Variants in EGR4 observed in about 807,000 individuals in gnomAD.
EGR4 encodes early growth response 4, also known as early growth response protein 4.
A neutral mutation model predicts 25.4 loss-of-function variants in EGR4; 22 were observed. That is an observed-to-expected ratio of 0.87 (90% confidence interval 0.62 to 1.24). The LOEUF (loss-of-function observed/expected upper bound fraction) is 1.24, where lower values mean the gene tolerates loss of function less well. Among genes scored for constraint, EGR4 ranks in the 50% most tolerant of loss-of-function variants. The pLI, the probability that EGR4 is intolerant of heterozygous loss-of-function variation, is 0.00. For synonymous variants in EGR4, 375 were observed against 320.1 expected (o/e 1.17, Z -1.83); for missense variants, 742 against 702.9 (o/e 1.06, Z -0.63).
chr2:73,292,059 G>A lies in EGR4; in HGVS notation c.859C>T (p.Leu287=), dbSNP rs1340582696. 2 of 1,610,612 alleles carry A rather than the reference G, an allele frequency of 1.2e-6. No homozygotes were observed. The highest frequency in any genetic ancestry group is 1.7e-6 in the Non-Finnish European group (2 of 1,178,522). Residue 287 remains leucine (L), a synonymous_variant, in exon 2 of 2, where the codon CTG becomes TTG. Transcript: ENST00000436467. ...GEGAEGLPGL[L]TPPSGEGGSS... The stretch of plus-strand genomic sequence containing the variant: ...CCTCCCTCCCCACTAGGAGGGGTCA[G>A]GAGCCCAGGGAGGCCCTCAGCCCCC...
At chr2:73,292,926 C>T (rs1014537788) in intron 1 of EGR4, 145 bp from the exon 2 acceptor site, 2 of 1,078,854 alleles carry the variant, frequency 1.9e-6, no homozygotes, top group African/African-American at 1.7e-5. Context: ...GCATACGTCC[C>T]AAGGAGCACA....
rs757920610 is a variant in EGR4, at chr2:73,292,395, G to A, written c.523C>T (p.Pro175Ser). The stretch of plus-strand genomic sequence containing the variant: ...TTGACGTCGGGCGGGGAGAGCTGAG[G>A]CTCATACAGGCACTGCGAGGGGGCA... Reference protein sequence around the residue: ...AGAPSQCLYEPQLSPPDVKPG... With the variant: ...AGAPSQCLYESQLSPPDVKPG... Residue 175 changes from proline to serine, a missense_variant, in exon 2 of 2, where the codon CCT becomes TCT. Physicochemically the swap from Pro to Ser is moderately conservative, Grantham distance 74. Coordinates refer to ENST00000436467, the MANE Select transcript of EGR4 (RefSeq NM_001965.4). 18 of 1,518,732 alleles carry A rather than the reference G, an allele frequency of 1.2e-5. No homozygotes were observed. The highest frequency in any genetic ancestry group is 1.6e-5 in the Non-Finnish European group (18 of 1,136,266). 94.1% of individuals were successfully genotyped at this position (1,518,732 alleles called of 1,614,324 possible). A position where few individuals can be genotyped will look rare whatever the true frequency, so the allele number is the denominator to read the frequency against.
chr2:73,293,255 A>G lies in EGR4; in HGVS notation c.63T>C (p.Cys21=), dbSNP rs140526933. ...GCAATTCAGCGCTGGGTTCGGCGCA[A>G]CAGCCTTCAGTGGACTTGACGAGGA... The part of the protein sequence containing the change: ...DALLVKSTEG[C]CAEPSAELPR... Residue 21 remains cysteine, a synonymous_variant, in exon 1 of 2, where the codon TGT becomes TGC. Transcript: ENST00000436467. The G allele has an allele frequency of 1.4e-4, 219 of 1,581,338 alleles. No individual in the cohort carries two copies. In the African/African-American group the frequency reaches 2.5e-3, roughly 18 times the overall value.
chr2:73,292,533 G>A lies in EGR4; in HGVS notation c.385C>T (p.Pro129Ser), dbSNP rs1042736577. 2 of 1,516,776 alleles carry A rather than the reference G, an allele frequency of 1.3e-6. No homozygotes were observed. The highest frequency in any genetic ancestry group is 2.3e-5 in the East Asian group (1 of 43,436). 94.0% of individuals were successfully genotyped at this position (1,516,776 alleles called of 1,614,324 possible). ...AAGGCATCGGACCCCGCAGGAAAAG[G>A]GGCATCCAGCGGGGATCTGGACGCT... ...AAASRSPLDA[P>S]FPAGSDALLP... Residue 129 changes from proline to serine, a missense_variant, in exon 2 of 2, where the codon CCT becomes TCT. Transcript: ENST00000436467.
rs889574199 is a variant in EGR4, at chr2:73,292,215, C to T, written c.703G>A (p.Val235Ile). ...AAGTCCTCAATCTTGGTCCCTATTACGGGAAAACGAGCCTCCGGGGCGGCC... is the reference window on the plus strand; with the variant it reads ...AAGTCCTCAATCTTGGTCCCTATTATGGGAAAACGAGCCTCCGGGGCGGCC... ...YQAAPEARFP[V>I]IGTKIEDLLS... is the part of the protein sequence containing the mutation. The change falls in exon 2 of 2, where the codon GTA becomes ATA. Residue 235 changes from valine to isoleucine, a missense_variant. Physicochemically the swap from Val to Ile is conservative, Grantham distance 29. Coordinates refer to ENST00000436467, the MANE Select transcript of EGR4 (RefSeq NM_001965.4). 6.3e-7 allele frequency: 1 copy of T among 1,598,902 alleles called. No homozygotes were observed. The highest frequency in any genetic ancestry group is 1.1e-5 in the South Asian group (1 of 88,878).
In EGR4 at chr2:73,292,794, C is replaced by A. The variant is rs756892568; in HGVS notation, c.137-13G>T. The stretch of plus-strand genomic sequence containing the variant: ...AAGAAGTCGCCTGCTGAGGAGGGAG[C>A]AGGAATCAGCTCTGGGCACATCAAA... On this transcript the variant is annotated splice_polypyrimidine_tract_variant and intron_variant, in intron 1 of 1. Coordinates refer to ENST00000436467, the MANE Select transcript of EGR4 (RefSeq NM_001965.4). 2 of 1,440,588 alleles carry A rather than the reference C, an allele frequency of 1.4e-6. No homozygotes were observed. The highest frequency in any genetic ancestry group is 2.5e-5 in the East Asian group (1 of 39,258). The allele number at this position is 1,440,588 out of a possible 1,614,324, so 89.2% of individuals were successfully genotyped here.
chr2:73,291,259 G>A lies in EGR4; in HGVS notation c.*198C>T, dbSNP rs938954396. 5 of 735,880 alleles carry A rather than the reference G, an allele frequency of 6.8e-6. No individual in the cohort carries two copies. The highest frequency in any genetic ancestry group is 2.1e-6 in the Non-Finnish European group (1 of 469,772). The allele number at this position is 735,880 out of a possible 1,614,324, so 45.6% of individuals were successfully genotyped here. A position where few individuals can be genotyped will look rare whatever the true frequency, so the allele number is the denominator to read the frequency against. On this transcript the variant is annotated 3_prime_UTR_variant, in exon 2 of 2. Coordinates refer to ENST00000436467, the MANE Select transcript of EGR4 (RefSeq NM_001965.4). ...AAGCGCGGCTGACAAGGGTGACAGC[G>A]CCTGGACCGCGGGAACTGTCCGCGG...
Position 73,292,121 on chromosome 2 carries a change from T to C in EGR4, c.797A>G (p.Tyr266Cys). 6.2e-7 allele frequency: 1 copy of C among 1,600,662 alleles called. No homozygotes were observed. Among genetic ancestry groups the C allele is most frequent in the Non-Finnish European group, 8.5e-7 (1 of 1,173,670 alleles). ...ACCCGGGGCCAGCGGGAAAGCGTCA[T>C]AGGCCCCGCTGGGATAGAGTCTGTT... ...PANRLYPSGA[Y>C]DAFPLAPGDL... Residue 266 changes from tyrosine (Y) to cysteine (C), a missense_variant, in exon 2 of 2, where the codon TAT becomes TGT. Tyr to Cys is a radical substitution (Grantham distance 194). Coordinates refer to ENST00000436467, the MANE Select transcript of EGR4 (RefSeq NM_001965.4).
At position 73,291,857 on chromosome 2, in the gene EGR4, G is replaced by A; in HGVS notation, c.1061C>T (p.Ala354Val). The A allele has an allele frequency of 1.3e-6, 2 of 1,581,418 alleles. No individual in the cohort carries two copies. Among genetic ancestry groups the A allele is most frequent in the Non-Finnish European group, 1.7e-6 (2 of 1,168,918 alleles). The change falls in exon 2 of 2, where the codon GCC (alanine) becomes GTC (valine). Residue 354 changes from alanine to valine, a missense_variant. Transcript: ENST00000436467. ...PPPPPTPFPQ[A>V]KARRKGRRGG... ...GCGGCGCCCCTTGCGTCGCGCCTTG[G>A]CCTGGGGGAAAGGGGTGGGCGGCGG...
rs148409394 is a variant in EGR4 at position 73,291,500 on chromosome 2, C to A, written c.1418G>T (p.Gly473Val). ...QKARAEERLKGLGFYSLGLSF... is the reference protein window; with the variant it reads ...QKARAEERLKVLGFYSLGLSF... ...GAGGCCCAGCGAGTAAAAGCCGAGGCCCTTGAGCCGCTCCTCGGCGCGCGC... is the reference window on the plus strand; with the variant it reads ...GAGGCCCAGCGAGTAAAAGCCGAGGACCTTGAGCCGCTCCTCGGCGCGCGC... Residue 473 changes from glycine to valine, a missense_variant, in exon 2 of 2, where the codon GGC becomes GTC. Transcript: ENST00000436467. The A allele has an allele frequency of 1.2e-6, 2 of 1,612,224 alleles. No individual in the cohort carries two copies. The highest frequency in any genetic ancestry group is 1.7e-4 in the Middle Eastern group (1 of 5,954).
rs1689133497 is a variant in EGR4 at position 73,292,589 on chromosome 2, C to T, written c.329G>A (p.Gly110Asp). The T allele has an allele frequency of 6.6e-7, 1 of 1,514,432 alleles. No individual in the cohort carries two copies. Among genetic ancestry groups the T allele is most frequent in the Non-Finnish European group, 8.8e-7 (1 of 1,131,500 alleles). 93.8% of individuals were successfully genotyped at this position (1,514,432 alleles called of 1,614,324 possible). The change falls in exon 2 of 2, where the codon GGC becomes GAC. Residue 110 changes from glycine to aspartate, a missense_variant. Gly to Asp is a moderately conservative substitution (Grantham distance 94). Coordinates refer to ENST00000436467, the MANE Select transcript of EGR4 (RefSeq NM_001965.4). ...CTCTGGACCGGGGAAGGGTGCCAGG[C>T]CTAAGATGCCCGACATGAGGTTGAA... Reference protein sequence around the residue: ...ALFNLMSGILGLAPFPGPEAA... With the variant: ...ALFNLMSGILDLAPFPGPEAA...
At position 73,291,458 on chromosome 2, in the gene EGR4, C is replaced by G. The variant is rs1689096656; in HGVS notation, c.1460G>C (p.Ter487SerextTer80). The change falls in exon 2 of 2, where the codon TGA becomes TCA. Residue 487 changes from the stop codon to serine (S), a stop_lost. Coordinates refer to ENST00000436467, the MANE Select transcript of EGR4 (RefSeq NM_001965.4). ...YSLGLSFASL[*>S] ...CCAACCCATAAACCCATCTCTTGCT[C>G]AGAGAGAAGCGAAGGAGAGGCCCAG... The G allele has an allele frequency of 6.3e-7, 1 of 1,596,368 alleles. No homozygotes were observed. Among genetic ancestry groups the G allele is most frequent in the Non-Finnish European group, 8.5e-7 (1 of 1,170,630 alleles).
Position 73,292,523 on chromosome 2 carries a change from G to T in EGR4, c.395C>A (p.Ala132Glu). 6.6e-7 allele frequency: 1 copy of T among 1,518,112 alleles called. No homozygotes were observed. Among genetic ancestry groups the T allele is most frequent in the South Asian group, 1.3e-5 (1 of 74,666 alleles). 94.0% of individuals were successfully genotyped at this position (1,518,112 alleles called of 1,614,324 possible). A position where few individuals can be genotyped will look rare whatever the true frequency, so the allele number is the denominator to read the frequency against. Reference sequence around the variant, plus strand: ...ACCCGGCAGCAAGGCATCGGACCCCGCAGGAAAAGGGGCATCCAGCGGGGA... The same window carrying T: ...ACCCGGCAGCAAGGCATCGGACCCCTCAGGAAAAGGGGCATCCAGCGGGGA... ...SRSPLDAPFP[A>E]GSDALLPGPP... Residue 132 changes from alanine to glutamate, a missense_variant, in exon 2 of 2, where the codon GCG becomes GAG. Physicochemically the swap from Ala to Glu is moderately radical, Grantham distance 107. Coordinates refer to ENST00000436467, the MANE Select transcript of EGR4 (RefSeq NM_001965.4).
rs1161665466 is a variant in EGR4 at position 73,292,545 on chromosome 2, G to A, written c.373C>T (p.Pro125Ser). Reference sequence around the variant, plus strand: ...CCCGCAGGAAAAGGGGCATCCAGCGGGGATCTGGACGCTGCTGCCTCTGGA... The same window carrying A: ...CCCGCAGGAAAAGGGGCATCCAGCGAGGATCTGGACGCTGCTGCCTCTGGA... Reference protein sequence around the residue: ...PGPEAAASRSPLDAPFPAGSD... With the variant: ...PGPEAAASRSSLDAPFPAGSD... Residue 125 changes from proline (P) to serine (S), a missense_variant, in exon 2 of 2, where the codon CCG (proline) becomes TCG (serine). By Grantham distance (74) the Pro-to-Ser change is moderately conservative. Coordinates refer to ENST00000436467, the MANE Select transcript of EGR4 (RefSeq NM_001965.4). 1.7e-5 allele frequency: 26 copies of A among 1,512,618 alleles called. No individual in the cohort carries two copies. The highest frequency in any genetic ancestry group is 2.2e-5 in the Non-Finnish European group (25 of 1,132,652). 93.7% of individuals were successfully genotyped at this position (1,512,618 alleles called of 1,614,324 possible).
At position 73,292,246 on chromosome 2, in the gene EGR4, G is replaced by A; in HGVS notation, c.672C>T (p.Asp224=). The A allele has an allele frequency of 6.2e-7, 1 of 1,610,262 alleles. No homozygotes were observed. The highest frequency in any genetic ancestry group is 8.5e-7 in the Non-Finnish European group (1 of 1,178,608). The part of the protein sequence containing the change: ...GAPGNCGSQG[D]YQAAPEARFP... ...AACGAGCCTCCGGGGCGGCCTGGTA[G>A]TCTCCCTGTGACCCACAGTTCCCTG... Residue 224 remains aspartate (D), a synonymous_variant, in exon 2 of 2, where the codon GAC becomes GAT. Coordinates refer to ENST00000436467, the MANE Select transcript of EGR4 (RefSeq NM_001965.4).
Position 73,292,215 on chromosome 2 carries a change from C to A in EGR4, c.703G>T (p.Val235Leu). Residue 235 changes from valine to leucine, a missense_variant, in exon 2 of 2, where the codon GTA (valine) becomes TTA (leucine). Physicochemically the swap from Val to Leu is conservative, Grantham distance 32. Transcript: ENST00000436467. ...AAGTCCTCAATCTTGGTCCCTATTA[C>A]GGGAAAACGAGCCTCCGGGGCGGCC... ...YQAAPEARFP[V>L]IGTKIEDLLS... 6.3e-7 allele frequency: 1 copy of A among 1,598,902 alleles called. No homozygotes were observed. The highest frequency in any genetic ancestry group is 8.5e-7 in the Non-Finnish European group (1 of 1,172,932).
Position 73,291,517 on chromosome 2 carries a change from G to T in EGR4, c.1401C>A (p.Ala467=), listed in dbSNP as rs1428642315. Residue 467 remains alanine (A), a synonymous_variant, in exon 2 of 2, where the codon GCC becomes GCA. Coordinates refer to ENST00000436467, the MANE Select transcript of EGR4 (RefSeq NM_001965.4). The part of the protein sequence containing the change: ...SKVHLKQKAR[A]EERLKGLGFY... ...AGCCGAGGCCCTTGAGCCGCTCCTCGGCGCGCGCCTTCTGCTTGAGGTGCA... is the reference window on the plus strand; with the variant it reads ...AGCCGAGGCCCTTGAGCCGCTCCTCTGCGCGCGCCTTCTGCTTGAGGTGCA... 2.5e-6 allele frequency: 4 copies of T among 1,612,552 alleles called. No individual in the cohort carries two copies. Among genetic ancestry groups the T allele is most frequent in the Non-Finnish European group, 3.4e-6 (4 of 1,179,312 alleles).
In EGR4 at chr2:73,291,952, C is replaced by A. The variant is rs755863072; in HGVS notation, c.966G>T (p.Ala322=). ...SPLGLRSAAA[A]DFPKPLVADI... ...CCGCCACCAGAGGTTTAGGGAAGTC[C>A]GCCGCGGCGGCGCTGCGAAGGCCCA... is the stretch of plus-strand genomic sequence containing the variant. The change falls in exon 2 of 2, where the codon GCG becomes GCT. Residue 322 remains alanine, a synonymous_variant. Coordinates refer to ENST00000436467, the MANE Select transcript of EGR4 (RefSeq NM_001965.4). 3 of 1,590,186 alleles carry A rather than the reference C, an allele frequency of 1.9e-6. No homozygotes were observed. Among genetic ancestry groups the A allele is most frequent in the Non-Finnish European group, 2.6e-6 (3 of 1,169,766 alleles).
chr2:73,291,331 G>A lies in EGR4; in HGVS notation c.*126C>T. On this transcript the variant is annotated 3_prime_UTR_variant, in exon 2 of 2. Coordinates refer to ENST00000436467, the MANE Select transcript of EGR4 (RefSeq NM_001965.4). ...GTGCGGCGGGCGCTTCAAGGAAACT[G>A]GAAGCGGGACCGGAGGCCGGCCCTC... 1 of 1,369,824 alleles carries A rather than the reference G, an allele frequency of 7.3e-7. No individual in the cohort carries two copies. The highest frequency in any genetic ancestry group is 9.8e-7 in the Non-Finnish European group (1 of 1,019,050). 84.9% of individuals were successfully genotyped at this position (1,369,824 alleles called of 1,614,324 possible). A position where few individuals can be genotyped will look rare whatever the true frequency, so the allele number is the denominator to read the frequency against.
Sources: allele counts gnomAD v4.1 joint callset, GRCh38; gene constraint gnomAD v4.1.1; transcripts MANE v1.5; gene names NCBI Gene and HGNC (gene_info 2026-07-23, HGNC 2026-07-21).